Variants in POLD3 observed in about 807,000 individuals in gnomAD.
The protein encoded by POLD3 is DNA polymerase delta subunit 3.
In POLD3, 19 loss-of-function variants were observed where a neutral mutation model predicts 58.2. The observed-to-expected ratio is 0.33, with a 90% confidence interval of 0.23 to 0.48. POLD3 has a LOEUF of 0.48. POLD3 is among the 20% of genes least tolerant of loss of function. The pLI is 0.99. For synonymous variants in POLD3, 172 were observed against 193.5 expected (o/e 0.89, Z 0.92); for missense variants, 504 against 545.5 (o/e 0.92, Z 0.76).
At chr11:74,613,925 T>C (rs544610079) in intron 5 of POLD3, among the ~76,000 whole-genome samples, 19 of 152,294 alleles carry the variant, frequency 1.2e-4, no homozygotes, top group African/African-American at 4.3e-4. Flanking sequence ...AAGACTGTTA[T>C]GACTTATGAC....
At chr11:74,625,295 C>T in intron 7 of POLD3, 113 bp from the exon 8 acceptor site, 1 of 749,094 alleles carries the variant, frequency 1.3e-6, no homozygotes, top group East Asian at 2.7e-5. Flanking sequence ...TCCATGAGCT[C>T]CTTTTTGCCC....
chr11:74,622,028 A>G, intron 7 of POLD3, among the ~76,000 whole-genome samples: 1 of 31,482 alleles, frequency 3.2e-5, no homozygotes, highest in South Asian at 1.5e-3. Flanking sequence ...ACCTCCCCCC[A>G]CCCCACAACA....
chr11:74,597,142 C>G lies in POLD3; in HGVS notation c.116+3026C>G, dbSNP rs115312149. The stretch of plus-strand genomic sequence containing the variant: ...GGGACTGCTGGATCATACAGTAGCT[C>G]TATTTTTGATATTTTGAGGAACCTC... On this transcript the variant is annotated intron_variant, in intron 2 of 11. Transcript: ENST00000263681. Among the ~76,000 whole-genome samples the G allele has an allele frequency of 6.4e-3, 972 of 152,270 alleles. 11 individuals are homozygous for G. Among genetic ancestry groups the G allele is most frequent in the African/African-American group, 0.022 (916 of 41,550 alleles).
chr11:74,595,791 A>G (rs566036756), intron 2 of POLD3, among the ~76,000 whole-genome samples: 1 of 151,946 alleles, frequency 6.6e-6, no homozygotes, highest in Admixed American at 6.6e-5. Context: ...CTAATTTTTA[A>G]ATTTTTTGTA....
At chr11:74,601,537 A>G (rs2031496462) in intron 2 of POLD3, among the ~76,000 whole-genome samples, 2 of 152,200 alleles carry the variant, frequency 1.3e-5, no homozygotes, top group Non-Finnish European at 2.9e-5. Context: ...CTGTAATCCT[A>G]GCATTTTGAG....
At chr11:74,662,885 A>G (rs1364828870) in intron 4 of POLD3, among the ~76,000 whole-genome samples, 1 of 152,148 alleles carries the variant, frequency 6.6e-6, no homozygotes. Context: ...CTCTCTGGCT[A>G]TGGCTGGTCT....
At chr11:74,638,567 A>G (rs2032822092) in intron 11 of POLD3, 2 of 452,882 alleles carry the variant, frequency 4.4e-6, no homozygotes, top group Non-Finnish European at 8.9e-6. Flanking sequence ...AATTTAAGAT[A>G]TTGAATAAAT....
At position 74,642,846 on chromosome 11, in the gene POLD3, C is replaced by A; in HGVS notation, c.*2080C>A. The A allele has an allele frequency of 2.0e-6, 2 of 985,046 alleles. No individual in the cohort carries two copies. The highest frequency in any genetic ancestry group is 2.4e-6 in the Non-Finnish European group (2 of 829,632). 61.0% of individuals were successfully genotyped at this position (985,046 alleles called of 1,614,324 possible). On this transcript the variant is annotated 3_prime_UTR_variant, in exon 12 of 12. Transcript: ENST00000263681. ...CAGTTGATATTGTTAAAACTGCATA[C>A]CCACAGTCTGAGATGAACAAGTTAT...
chr11:74,649,992 G>A (rs919048928), intron 4 of POLD3, among the ~76,000 whole-genome samples: 2 of 152,142 alleles, frequency 1.3e-5, no homozygotes, highest in Non-Finnish European at 2.9e-5. Flanking sequence ...TACTATCAGC[G>A]TGACTCCCAG....
downstream of POLD3, among the ~76,000 whole-genome samples, chr11:74,643,842 T>C (rs1303211734): frequency 1.3e-5 from 2 of 152,330 alleles, no homozygotes; most frequent in East Asian, 3.9e-4. Flanking sequence ...TTTCTACCCT[T>C]GCATATGCAC....
chr11:74,667,700 C>A (rs2033289506), intron 4 of POLD3, among the ~76,000 whole-genome samples: 1 of 152,020 alleles, frequency 6.6e-6, no homozygotes, highest in Non-Finnish European at 1.5e-5. Flanking sequence ...TTTGGAAAAC[C>A]TTTCTTAGAC....
intron 11 of POLD3, among the ~76,000 whole-genome samples, chr11:74,639,428 CT>C (rs1239147381): frequency 6.6e-6 from 1 of 152,068 alleles, no homozygotes; most frequent in Admixed American, 6.6e-5. Context: ...AAAAAAAAAC[CT>C]TTTACTTTAA....
At chr11:74,658,077 A>G (rs2033159722) in intron 4 of POLD3, among the ~76,000 whole-genome samples, 1 of 152,178 alleles carries the variant, frequency 6.6e-6, no homozygotes, top group South Asian at 2.1e-4. Flanking sequence ...TGCTGCTGAT[A>G]AAGACATACC....
intron 3 of POLD3, among the ~76,000 whole-genome samples, chr11:74,608,912 G>T (rs543070167): frequency 6.6e-6 from 1 of 152,098 alleles, no homozygotes; most frequent in South Asian, 2.1e-4. Context: ...AAGAGAAAAT[G>T]CATTATGAGA....
At position 74,660,116 on chromosome 11, in the gene POLD3, G is replaced by C. The variant is rs554043415; in HGVS notation, c.370-8661G>C. On this transcript the variant is annotated intron_variant, in intron 4 of 4. Coordinates refer to the POLD3 transcript ENST00000524752. Reference sequence around the variant, plus strand: ...AAAAGGCACTTCTTACATGGCAGCAGCAAGAGAAAAATGAGGAGGAAGCAA... The same window carrying C: ...AAAAGGCACTTCTTACATGGCAGCACCAAGAGAAAAATGAGGAGGAAGCAA... Among the ~76,000 whole-genome samples, 2 of 152,314 alleles carry C rather than the reference G, an allele frequency of 1.3e-5. 1 individual carries two copies. The highest frequency in any genetic ancestry group is 4.1e-4 in the South Asian group (2 of 4,824).
chr11:74,650,561 G>A (rs371689000), intron 4 of POLD3, among the ~76,000 whole-genome samples: 107 of 152,296 alleles, frequency 7.0e-4, no homozygotes, highest in African/African-American at 2.5e-3. Context: ...TGGCAGCAAA[G>A]AAGCCTCTCC....
Position 74,649,173 on chromosome 11 carries a change from T to C in POLD3, c.369+12898T>C, listed in dbSNP as rs2033037674. 2.0e-5 allele frequency among the ~76,000 whole-genome samples: 3 copies of C among 152,308 alleles called. No individual in the cohort carries two copies. In the South Asian group the frequency reaches 6.2e-4, roughly 32 times the overall value. ...ACTGACTGCATCTCCCTGGAATTCTTTGGGTCAAAAATGACCCATAGTCCT... is the reference window on the plus strand; with the variant it reads ...ACTGACTGCATCTCCCTGGAATTCTCTGGGTCAAAAATGACCCATAGTCCT... On this transcript the variant is annotated intron_variant, in intron 4 of 4. Coordinates refer to the POLD3 transcript ENST00000524752.
At chr11:74,632,933 C>CACACAG (rs2032637972) in intron 9 of POLD3, among the ~76,000 whole-genome samples, 2 of 141,768 alleles carry the variant, frequency 1.4e-5, no homozygotes, top group Non-Finnish European at 3.1e-5. Flanking sequence ...CACACACACA[C>CACACAG]AGTTACTCTA....
In POLD3 at chr11:74,641,931, A is replaced by G; in HGVS notation, c.*1165A>G. ...TACTTATGGAAAATCATCTATTACAATGATAACCTTCAAGTGACTTCCATT... is the reference window on the plus strand; with the variant it reads ...TACTTATGGAAAATCATCTATTACAGTGATAACCTTCAAGTGACTTCCATT... On this transcript the variant is annotated 3_prime_UTR_variant, in exon 12 of 12. Transcript: ENST00000263681. 1.0e-6 allele frequency: 1 copy of G among 985,380 alleles called. No individual in the cohort carries two copies. Among genetic ancestry groups the G allele is most frequent in the South Asian group, 4.7e-5 (1 of 21,286 alleles). 61.0% of individuals were successfully genotyped at this position (985,380 alleles called of 1,614,324 possible).
Sources: allele counts gnomAD v4.1 joint callset (sites outside exome capture counted in the v4.1 genomes callset), GRCh38; gene constraint gnomAD v4.1.1; transcripts MANE v1.5; gene names NCBI Gene and HGNC (gene_info 2026-07-23, HGNC 2026-07-21).